DTNA: variants seen among roughly 807,000 people sequenced by gnomAD.
DTNA encodes the protein dystrophin-related protein 3.
Under a neutral mutation model 100.7 loss-of-function variants are expected in DTNA, and 43 were observed. The observed-to-expected ratio is 0.43, with a 90% confidence interval of 0.33 to 0.55. The LOEUF (loss-of-function observed/expected upper bound fraction) is 0.55, where lower values mean the gene tolerates loss of function less well. DTNA is among the 20% of genes least tolerant of loss of function. The pLI, the probability that DTNA is intolerant of heterozygous loss-of-function variation, is 0.04. For synonymous variants in DTNA, 349 were observed against 347.9 expected (o/e 1.00, Z -0.04); for missense variants, 798 against 953.9 (o/e 0.84, Z 2.15).
intron 17 of DTNA, among the ~76,000 whole-genome samples, chr18:34,869,762 C>A (rs1309802655): frequency 2.6e-5 from 4 of 152,208 alleles, no homozygotes; most frequent in Admixed American, 2.6e-4. Flanking sequence ...TGGCTCACGC[C>A]TGTAATCCCA....
intron 1 of DTNA, among the ~76,000 whole-genome samples, chr18:34,717,878 A>G (rs2084371665): frequency 1.3e-5 from 2 of 152,346 alleles, no homozygotes; most frequent in Admixed American, 6.5e-5. Context: ...TAATAATGGC[A>G]GCAGCACAGA....
chr18:34,792,095 T>TTG (rs1281924336), intron 3 of DTNA, among the ~76,000 whole-genome samples: 2 of 2,462 alleles, frequency 8.1e-4, no homozygotes, highest in African/African-American at 1.3e-3. Flanking sequence ...AACCTGTTGT[T>TTG]TTTTTTTTTT....
chr18:34,820,993 C>T (rs1456087447), intron 9 of DTNA, 78 bp downstream of exon 9: 11 of 1,599,192 alleles, frequency 6.9e-6, no homozygotes, highest in Non-Finnish European at 8.6e-6. Flanking sequence ...AAGCAATTTC[C>T]TATCAGTGGT....
chr18:34,862,634 TA>T (rs2096643567), intron 16 of DTNA, among the ~76,000 whole-genome samples: 1 of 151,706 alleles, frequency 6.6e-6, no homozygotes, highest in Admixed American at 6.6e-5. Flanking sequence ...AACCATCTCT[TA>T]AAAAAGAAAA....
intron 1 of DTNA, among the ~76,000 whole-genome samples, chr18:34,509,567 C>G (rs976660580): frequency 1.3e-5 from 2 of 151,656 alleles, no homozygotes; most frequent in Admixed American, 6.6e-5. Context: ...GCTAATGATG[C>G]TAAATACCCT....
chr18:34,659,065 C>G (rs1488155198), intron 1 of DTNA, among the ~76,000 whole-genome samples: 1 of 151,992 alleles, frequency 6.6e-6, no homozygotes, highest in South Asian at 2.1e-4. Flanking sequence ...CACCTACTGC[C>G]TTCCTATCCA....
chr18:34,885,453 C>T (rs1331746682), intron 22 of DTNA, among the ~76,000 whole-genome samples: 2 of 152,174 alleles, frequency 1.3e-5, no homozygotes, highest in African/African-American at 4.8e-5. Flanking sequence ...TAGCACTGGA[C>T]TGGCAGCATC....
intron 1 of DTNA, among the ~76,000 whole-genome samples, chr18:34,736,856 G>A (rs1262681176): frequency 6.6e-6 from 1 of 152,120 alleles, no homozygotes; most frequent in African/African-American, 2.4e-5. Flanking sequence ...AGTCTGTCTT[G>A]TTCTAGAAAT....
At chr18:34,867,596 G>A (rs1238781322) in intron 17 of DTNA, 23 of 1,035,924 alleles carry the variant, frequency 2.2e-5, no homozygotes, top group Non-Finnish European at 2.4e-5. Flanking sequence ...AGGAAATAAG[G>A]TTCAATTATA....
chr18:34,698,592 T>C (rs958151166), intron 1 of DTNA, among the ~76,000 whole-genome samples: 2 of 152,212 alleles, frequency 1.3e-5, no homozygotes, highest in Non-Finnish European at 2.9e-5. Context: ...TAGATGTACA[T>C]ATAAAGGAGA....
chr18:34,645,595 G>T (rs1358296616), intron 1 of DTNA, among the ~76,000 whole-genome samples: 1 of 152,076 alleles, frequency 6.6e-6, no homozygotes, highest in Non-Finnish European at 1.5e-5. Context: ...AAGGGCTCTG[G>T]TAATACAGAT....
chr18:34,859,341 C>T (rs1196679206), intron 16 of DTNA, among the ~76,000 whole-genome samples: 1 of 152,236 alleles, frequency 6.6e-6, no homozygotes, highest in African/African-American at 2.4e-5. Flanking sequence ...CGAAAGTACA[C>T]TCTACAGAGT....
intron 16 of DTNA, among the ~76,000 whole-genome samples, chr18:34,860,220 G>GTATTT (rs749839630): frequency 1.7e-4 from 14 of 80,282 alleles, no homozygotes; most frequent in Admixed American, 3.0e-4. Flanking sequence ...CTAATTTTTT[G>GTATTT]TTTTTTTTTT....
At chr18:34,625,952 T>A (rs905029210) in intron 1 of DTNA, among the ~76,000 whole-genome samples, 1 of 152,160 alleles carries the variant, frequency 6.6e-6, no homozygotes, top group Non-Finnish European at 1.5e-5. Context: ...ATTGGTTGCA[T>A]TAAGTGTAGG....
At chr18:34,772,276 C>T (rs544442979) in intron 3 of DTNA, among the ~76,000 whole-genome samples, 1 of 152,242 alleles carries the variant, frequency 6.6e-6, no homozygotes, top group African/African-American at 2.4e-5. Flanking sequence ...TCAACATACT[C>T]TTTTTCTAGT....
At chr18:34,652,893 A>G (rs1023025169) in intron 1 of DTNA, among the ~76,000 whole-genome samples, 2 of 152,208 alleles carry the variant, frequency 1.3e-5, no homozygotes, top group African/African-American at 4.8e-5. Flanking sequence ...TAGGAGCTGC[A>G]AAGTTCATAG....
At chr18:34,755,326 T>A (rs1216920191) in intron 1 of DTNA, 1 of 152,368 alleles carries the variant, frequency 6.6e-6, no homozygotes, top group East Asian at 1.9e-4. Flanking sequence ...ATATTTTAAA[T>A]AGTTCCACTG....
chr18:34,537,993 C>T (rs936486586), intron 1 of DTNA, among the ~76,000 whole-genome samples: 17 of 151,876 alleles, frequency 1.1e-4, no homozygotes, highest in Admixed American at 7.9e-4. Context: ...CATGAAAGTA[C>T]AATATATTTT....
intron 1 of DTNA, among the ~76,000 whole-genome samples, chr18:34,731,337 GGC>G (rs1306056244): frequency 1.3e-5 from 2 of 151,984 alleles, no homozygotes; most frequent in Non-Finnish European, 2.9e-5. Context: ...AAATTAGCCG[GGC>G]GCGGTGGCGG....
Sources: gnomAD v4.1 joint callset for allele counts (sites outside exome capture counted in the v4.1 genomes callset) on GRCh38, gnomAD v4.1.1 for gene constraint, MANE v1.5 for transcripts, NCBI Gene and HGNC (gene_info 2026-07-23, HGNC 2026-07-21) for gene names.